Variants in KATNIP observed in about 807,000 individuals in gnomAD.
The protein encoded by KATNIP is katanin-interacting protein.
KATNIP carries 126 observed loss-of-function variants against 174.0 expected under a neutral mutation model. The ratio of observed to expected loss-of-function variants is 0.72; its 90% CI spans 0.63 to 0.84. The LOEUF is 0.84. Among genes scored for constraint, KATNIP ranks in the 40% least tolerant of loss-of-function variants. The pLI, the probability that KATNIP is intolerant of heterozygous loss-of-function variation, is 0.00. For synonymous variants in KATNIP, 810 were observed against 835.7 expected, an observed-to-expected ratio of 0.97 and a Z score of 0.53; for missense variants, 1,958 against 2,109.7, an observed-to-expected ratio of 0.93 and a Z score of 1.41.
chr16:27,609,453 C>T (rs1488146337), intron 2 of KATNIP, among the ~76,000 whole-genome samples: 2 of 133,280 alleles, frequency 1.5e-5, no homozygotes, highest in African/African-American at 5.9e-5. Context: ...TGCAGTGGCG[C>T]GATCTCAGCT....
chr16:27,681,711 A>T lies in KATNIP; in HGVS notation c.940+181A>T, dbSNP rs111356600. On this transcript the variant is annotated intron_variant, in intron 8 of 27. Coordinates refer to ENST00000261588, the MANE Select transcript of KATNIP (RefSeq NM_015202.5). Reference sequence around the variant, plus strand: ...ATGAAAAGGATATGGAGGGAGAGTGAGAGAGAGAGCTTAGGATAAGGAATT... The same window carrying T: ...ATGAAAAGGATATGGAGGGAGAGTGTGAGAGAGAGCTTAGGATAAGGAATT... Among the ~76,000 whole-genome samples, 656 of 152,312 alleles carry T rather than the reference A, an allele frequency of 4.3e-3. 2 individuals are homozygous for T. Among genetic ancestry groups the T allele is most frequent in the Middle Eastern group, 0.024 (7 of 294 alleles).
chr16:27,559,256 G>A (rs1349536260), intron 1 of KATNIP, among the ~76,000 whole-genome samples: 5 of 152,304 alleles, frequency 3.3e-5, no homozygotes, highest in Non-Finnish European at 5.9e-5. Context: ...TCACCTTGAA[G>A]TATAGAATTT....
At chr16:27,753,747 CTCCT>C (rs1480169459) in intron 17 of KATNIP, among the ~76,000 whole-genome samples, 1 of 149,688 alleles carries the variant, frequency 6.7e-6, no homozygotes, top group Non-Finnish European at 1.5e-5. Context: ...CCCTCCCTCC[CTCCT>C]TCCTTCTTTT....
intron 2 of KATNIP, among the ~76,000 whole-genome samples, chr16:27,608,266 T>G (rs981672764): frequency 6.7e-6 from 1 of 148,904 alleles, no homozygotes; most frequent in African/African-American, 2.5e-5. Context: ...CGTCTTGCTC[T>G]GTCACCCAGG....
In KATNIP at chr16:27,683,865, G is replaced by A. The variant is rs116214143; in HGVS notation, c.940+2335G>A. Among the ~76,000 whole-genome samples the A allele has an allele frequency of 9.5e-3, 1,442 of 152,188 alleles. 22 individuals are homozygous for A. Among genetic ancestry groups the A allele is most frequent in the African/African-American group, 0.034 (1,391 of 41,512 alleles). On this transcript the variant is annotated intron_variant, in intron 8 of 27. Coordinates refer to ENST00000261588, the MANE Select transcript of KATNIP (RefSeq NM_015202.5). ...GACAAGCCTCCAGTCTATCCTGCTG[G>A]TACTGTCTTCACTATCTGAACCAAT... is the stretch of plus-strand genomic sequence containing the variant.
chr16:27,703,356 G>A (rs567376043), intron 11 of KATNIP, among the ~76,000 whole-genome samples: 2 of 152,234 alleles, frequency 1.3e-5, no homozygotes, highest in South Asian at 2.1e-4. Flanking sequence ...AATGATGAAG[G>A]CACGCTCTGC....
chr16:27,592,232 A>G (rs566796091), intron 2 of KATNIP, among the ~76,000 whole-genome samples: 2 of 141,726 alleles, frequency 1.4e-5, no homozygotes, highest in African/African-American at 5.2e-5. Flanking sequence ...GTTATTTACC[A>G]TGGGCCAGGC....
intron 14 of KATNIP, among the ~76,000 whole-genome samples, chr16:27,722,920 C>G (rs2080298861): frequency 6.6e-6 from 1 of 152,206 alleles, no homozygotes; most frequent in African/African-American, 2.4e-5. Context: ...AAACAAAACT[C>G]TTCTTTGGGC....
At chr16:27,613,848 A>G (rs1371125213) in intron 2 of KATNIP, among the ~76,000 whole-genome samples, 1 of 152,184 alleles carries the variant, frequency 6.6e-6, no homozygotes, top group Non-Finnish European at 1.5e-5. Flanking sequence ...ACTCAGGCCC[A>G]GGGGAGGACA....
chr16:27,734,393 T>C (rs1171592298), intron 14 of KATNIP, among the ~76,000 whole-genome samples: 2 of 129,712 alleles, frequency 1.5e-5, no homozygotes, highest in Admixed American at 1.5e-4. Context: ...TAGGGACTTA[T>C]TTAAAAAAAA....
At chr16:27,621,044 A>AC (rs1305058249) in intron 3 of KATNIP, among the ~76,000 whole-genome samples, 3 of 152,038 alleles carry the variant, frequency 2.0e-5, no homozygotes. Flanking sequence ...TCTGCTTGTA[A>AC]CCCCAACTAT....
At chr16:27,707,115 C>T (rs969288622) in intron 12 of KATNIP, among the ~76,000 whole-genome samples, 2 of 152,226 alleles carry the variant, frequency 1.3e-5, no homozygotes. Flanking sequence ...CCTCCAAACA[C>T]ACACTGAGAG....
chr16:27,748,397 C>G (rs999088507), intron 15 of KATNIP, among the ~76,000 whole-genome samples: 15 of 152,084 alleles, frequency 9.9e-5, no homozygotes, highest in African/African-American at 3.6e-4. Context: ...CCAGCCTGGG[C>G]AACATGGCAA....
chr16:27,723,288 C>T (rs543364368), intron 14 of KATNIP, among the ~76,000 whole-genome samples: 3 of 152,300 alleles, frequency 2.0e-5, no homozygotes, highest in African/African-American at 7.2e-5. Context: ...CTAATCCCCT[C>T]ATGCCAGGCC....
At chr16:27,580,119 G>GT (rs1457319559) in intron 2 of KATNIP, among the ~76,000 whole-genome samples, 2 of 151,918 alleles carry the variant, frequency 1.3e-5, no homozygotes, top group African/African-American at 4.8e-5. Flanking sequence ...TATCTTTTTT[G>GT]TTTTTTTGTT....
chr16:27,646,985 C>G (rs1208669551), intron 5 of KATNIP, among the ~76,000 whole-genome samples: 4 of 152,198 alleles, frequency 2.6e-5, no homozygotes, highest in Admixed American at 2.0e-4. Flanking sequence ...GAGGAAACAC[C>G]TAGAAGATGC....
rs1429025094 is a variant in KATNIP at position 27,777,123 on chromosome 16, T to G, written c.4551+94T>G. On this transcript the variant is annotated intron_variant, in intron 25 of 27. Coordinates refer to ENST00000261588, the MANE Select transcript of KATNIP (RefSeq NM_015202.5). This position sits in a 1 kb window ranked among gnomAD's most constrained non-coding sequence, Gnocchi z 4.4. The stretch of plus-strand genomic sequence containing the variant: ...CATTTGTCGCAGTTTGATTTACTTC[T>G]CTCTGTTGCAACCCTCAACACAAAT... 3 of 841,584 alleles carry G rather than the reference T, an allele frequency of 3.6e-6. No homozygotes were observed. The African/African-American group carries it at 5.0e-5, about 14-fold the overall frequency. The allele number at this position is 841,584 out of a possible 1,614,324, so 52.1% of individuals were successfully genotyped here.
intron 14 of KATNIP, among the ~76,000 whole-genome samples, chr16:27,733,623 G>T: frequency 6.7e-6 from 1 of 148,614 alleles, no homozygotes; most frequent in African/African-American, 2.5e-5. Context: ...AGAGAGACAG[G>T]GTTCTAAAGG....
Position 27,751,897 on chromosome 16 carries a change from C to T in KATNIP, c.3525C>T (p.Thr1175=), listed in dbSNP as rs1367847259. ...GCGAGGGGGATGAGCGGCCCTTCACCCAGGCTGGCTTGGGGGCTGATGAAC... is the reference window on the plus strand; with the variant it reads ...GCGAGGGGGATGAGCGGCCCTTCACTCAGGCTGGCTTGGGGGCTGATGAAC... ...ADGEGDERPF[T]QAGLGADERI... is the part of the protein sequence containing the mutation. Residue 1175 remains threonine (T), a synonymous_variant, in exon 17 of 28, where the codon ACC becomes ACT. Coordinates refer to ENST00000261588, the MANE Select transcript of KATNIP (RefSeq NM_015202.5). 1 of 1,611,822 alleles carries T rather than the reference C, an allele frequency of 6.2e-7. No homozygotes were observed. Among genetic ancestry groups the T allele is most frequent in the African/African-American group, 1.3e-5 (1 of 74,880 alleles).
Sources: gnomAD v4.1 joint callset for allele counts (sites outside exome capture counted in the v4.1 genomes callset) on GRCh38, gnomAD v4.1.1 for gene constraint, Gnocchi (gnomAD v3.1) non-coding constraint, MANE v1.5 for transcripts, NCBI Gene and HGNC (gene_info 2026-07-23, HGNC 2026-07-21) for gene names.